The following CEP83 variants were observed in gnomAD, a reference collection of about 807,000 sequenced individuals.
The protein encoded by CEP83 is centrosomal protein of 83 kDa.
CEP83 carries 70 observed loss-of-function variants against 101.9 expected under a neutral mutation model. The observed-to-expected ratio is 0.69, with a 90% confidence interval of 0.57 to 0.84. The LOEUF (loss-of-function observed/expected upper bound fraction) is 0.84. CEP83 is among the 40% of genes least tolerant of loss of function. CEP83 has a pLI of 0.00. For missense variants in CEP83, 715 were observed against 787.2 expected (o/e 0.91, Z 1.10); for synonymous variants, 264 against 267.9 (o/e 0.99, Z 0.14).
chr12:94,431,166 C>T (rs770138256), intron 2 of CEP83, among the ~76,000 whole-genome samples: 5 of 152,120 alleles, frequency 3.3e-5, no homozygotes, highest in Non-Finnish European at 5.9e-5. Flanking sequence ...CTAATTTTGA[C>T]AAAGGCACTA....
intron 6 of CEP83, among the ~76,000 whole-genome samples, chr12:94,393,298 C>A (rs150254228): frequency 1.1e-4 from 16 of 151,756 alleles, no homozygotes; most frequent in South Asian, 2.1e-4. Flanking sequence ...GGCTTCATCC[C>A]TGGGATGCAA....
intron 11 of CEP83, among the ~76,000 whole-genome samples, chr12:94,340,294 A>C (rs959935715): frequency 6.6e-6 from 1 of 152,124 alleles, no homozygotes; most frequent in South Asian, 2.1e-4. Context: ...ATCAAACTGC[A>C]TATCATTTAC....
intron 6 of CEP83, among the ~76,000 whole-genome samples, chr12:94,392,642 A>G (rs909001483): frequency 6.6e-6 from 1 of 152,266 alleles, no homozygotes; most frequent in Non-Finnish European, 1.5e-5. Flanking sequence ...CTAAGATCAG[A>G]GCAGAATTGA....
the CEP83 span, among the ~76,000 whole-genome samples, chr12:94,297,016 C>T: frequency 6.6e-6 from 1 of 152,178 alleles, no homozygotes; most frequent in Non-Finnish European, 1.5e-5. Context: ...TCACGCTGTT[C>T]TTAAGATCTT....
intron 11 of CEP83, among the ~76,000 whole-genome samples, chr12:94,366,995 C>A (rs1234401481): frequency 6.6e-6 from 1 of 151,792 alleles, no homozygotes; most frequent in African/African-American, 2.4e-5. Flanking sequence ...ATGTATAAAT[C>A]CATAATGATA....
chr12:94,372,718 G>C (rs558080029), intron 8 of CEP83, among the ~76,000 whole-genome samples: 13 of 152,244 alleles, frequency 8.5e-5, no homozygotes, highest in African/African-American at 2.9e-4. Context: ...TACAATTATT[G>C]AAACTGAAAG....
chr12:94,294,541 G>A, the CEP83 span: 1 of 1,232,216 alleles, frequency 8.1e-7, no homozygotes, highest in Non-Finnish European at 1.2e-6. Context: ...TTTACTTCAG[G>A]TAACCAATAT....
chr12:94,333,291 A>G (rs1295996149), intron 13 of CEP83, among the ~76,000 whole-genome samples, 191 bp downstream of exon 13: 2 of 152,098 alleles, frequency 1.3e-5, no homozygotes, highest in African/African-American at 4.8e-5. Context: ...TTTAAAAACA[A>G]TTCAAGAGTC....
chr12:94,361,175 T>G (rs1048095915), intron 11 of CEP83: 1 of 152,120 alleles, frequency 6.6e-6, no homozygotes, highest in African/African-American at 2.4e-5. Context: ...GACATTGCCC[T>G]AGGGGAAGAT....
At chr12:94,354,915 C>G (rs1489535748) in intron 11 of CEP83, among the ~76,000 whole-genome samples, 1 of 152,000 alleles carries the variant, frequency 6.6e-6, no homozygotes, top group Non-Finnish European at 1.5e-5. Flanking sequence ...AGCAGGAGAA[C>G]TGCTTGAATC....
At chr12:94,320,041 G>A (rs1971380556) in intron 14 of CEP83, among the ~76,000 whole-genome samples, 1 of 152,148 alleles carries the variant, frequency 6.6e-6, no homozygotes, top group Non-Finnish European at 1.5e-5. Flanking sequence ...CCTATGTTGG[G>A]TGCATATATA....
chr12:94,282,323 A>G, the CEP83 span: 2 of 1,613,960 alleles, frequency 1.2e-6, no homozygotes, highest in Non-Finnish European at 1.7e-6. Flanking sequence ...CACGACAGAA[A>G]GAACTTCTGG....
At chr12:94,321,562 G>A (rs2058745088) in intron 14 of CEP83, among the ~76,000 whole-genome samples, 1 of 152,178 alleles carries the variant, frequency 6.6e-6, no homozygotes, top group East Asian at 1.9e-4. Context: ...GGGTAGTTGT[G>A]CTACAGTTCC....
rs148387395 is a variant in CEP83, at chr12:94,360,073, T to G, written c.1343+7721A>C. 3.5e-3 allele frequency among the ~76,000 whole-genome samples: 538 copies of G among 152,276 alleles called. 3 individuals carry two copies. The highest frequency in any genetic ancestry group is 0.012 in the African/African-American group (506 of 41,560). ...AAAAAGCGTCTGACAAAAATTCAGCTTTCCTTCATGACAAAAACTTTAAAA... is the reference window on the plus strand; with the variant it reads ...AAAAAGCGTCTGACAAAAATTCAGCGTTCCTTCATGACAAAAACTTTAAAA... On this transcript the variant is annotated intron_variant, in intron 11 of 16. Coordinates refer to ENST00000397809, the MANE Select transcript of CEP83 (RefSeq NM_016122.3).
intron 5 of CEP83, 100 bp downstream of exon 5, chr12:94,403,070 G>T: frequency 1.6e-6 from 1 of 635,648 alleles, no homozygotes. Context: ...TGAGTAAAAG[G>T]GGGAACTACT....
At chr12:94,411,380 TA>T (rs1030103867) in intron 4 of CEP83, among the ~76,000 whole-genome samples, 9 of 152,236 alleles carry the variant, frequency 5.9e-5, no homozygotes, top group African/African-American at 1.9e-4. Context: ...GTAACTCTTT[TA>T]AAAAAATTCT....
intron 15 of CEP83, 144 bp from the exon 16 acceptor site, chr12:94,310,251 AAGAT>A (rs1463427077): frequency 1.7e-5 from 6 of 362,758 alleles, no homozygotes; most frequent in Non-Finnish European, 2.9e-5. Context: ...TTTACCTAGA[AAGAT>A]AAACAGAAAC....
chr12:94,379,779 C>T (rs1566035437), intron 6 of CEP83, among the ~76,000 whole-genome samples: 1 of 152,144 alleles, frequency 6.6e-6, no homozygotes. Context: ...AAGCTCCTCA[C>T]CTCTGGAGAC....
chr12:94,419,303 A>C (rs1262903079), intron 2 of CEP83, among the ~76,000 whole-genome samples: 2 of 152,104 alleles, frequency 1.3e-5, no homozygotes, highest in African/African-American at 2.4e-5. Context: ...ACCTAGGTAA[A>C]AAGATGTGCA....
Sources: allele counts gnomAD v4.1 joint callset (sites outside exome capture counted in the v4.1 genomes callset), GRCh38; gene constraint gnomAD v4.1.1; transcripts MANE v1.5; gene names NCBI Gene and HGNC (gene_info 2026-07-23, HGNC 2026-07-21).